Variants in COL24A1 observed in about 807,000 individuals in gnomAD.
COL24A1 encodes the protein collagen type XXIV alpha 1 chain.
Under a neutral mutation model 253.9 loss-of-function variants are expected in COL24A1, and 224 were observed. That is an observed-to-expected ratio of 0.88 (90% CI 0.79 to 0.99). COL24A1 has a LOEUF of 0.99. Among genes scored for constraint, COL24A1 ranks in the 50% least tolerant of loss-of-function variants. COL24A1 has a pLI of 0.00. For missense variants in COL24A1, 2,131 were observed against 2,068.5 expected (o/e 1.03, Z -0.59); for synonymous variants, 685 against 673.7 (o/e 1.02, Z -0.26).
chr1:85,987,780 T>C (rs138310792), intron 19 of COL24A1, 126 bp from the exon 20 acceptor site: 1 of 717,242 alleles, frequency 1.4e-6, no homozygotes, highest in Non-Finnish European at 2.3e-6. Flanking sequence ...AAAAATTCAA[T>C]ATTGAAGATT....
chr1:85,854,505 G>A lies in COL24A1; in HGVS notation c.3301-5099C>T, dbSNP rs75087396. Reference sequence around the variant, plus strand: ...GGCTTTTGCTAATGCTGTGAAAAACGTTCTTGGTAATCTGATAGGACTGGC... The same window carrying A: ...GGCTTTTGCTAATGCTGTGAAAAACATTCTTGGTAATCTGATAGGACTGGC... On this transcript the variant is annotated intron_variant, in intron 37 of 59. Transcript: ENST00000370571. 1.6e-3 allele frequency among the ~76,000 whole-genome samples: 249 copies of A among 152,186 alleles called. 6 individuals are homozygous for A. In the East Asian group the frequency reaches 0.043, roughly 26 times the overall value.
intron 10 of COL24A1, among the ~76,000 whole-genome samples, chr1:86,057,378 A>G (rs578183817): frequency 2.0e-4 from 30 of 152,322 alleles, no homozygotes; most frequent in African/African-American, 5.5e-4. Context: ...ACCCAGCCTC[A>G]GGTATTTATA....
At chr1:85,945,335 A>T (rs149730568) in intron 24 of COL24A1, among the ~76,000 whole-genome samples, 13 of 151,774 alleles carry the variant, frequency 8.6e-5, no homozygotes, top group African/African-American at 3.1e-4. Flanking sequence ...AGATTCTTAA[A>T]TATAATAATA....
At chr1:85,796,945 A>C (rs1263462984) in intron 47 of COL24A1, among the ~76,000 whole-genome samples, 1 of 152,062 alleles carries the variant, frequency 6.6e-6, no homozygotes, top group African/African-American at 2.4e-5. Flanking sequence ...TCACGCCTGT[A>C]ATCCCAGCAC....
chr1:86,016,846 G>A (rs1364720162), intron 19 of COL24A1, among the ~76,000 whole-genome samples: 1 of 152,160 alleles, frequency 6.6e-6, no homozygotes. Context: ...ATAATTCAGT[G>A]GAGTTTCTTT....
chr1:85,793,193 C>T (rs1670478294), intron 47 of COL24A1, among the ~76,000 whole-genome samples: 2 of 151,790 alleles, frequency 1.3e-5, no homozygotes, highest in South Asian at 4.2e-4. Flanking sequence ...GTAGATTTTC[C>T]TCACATTCCA....
intron 52 of COL24A1, among the ~76,000 whole-genome samples, chr1:85,777,005 A>G (rs2101474820): frequency 6.6e-6 from 1 of 151,772 alleles, no homozygotes; most frequent in South Asian, 2.1e-4. Flanking sequence ...GCTGGAGTGC[A>G]GTGGCATGAT....
chr1:85,868,747 T>G (rs373208349), intron 36 of COL24A1, 35 bp downstream of exon 36: 3 of 1,436,310 alleles, frequency 2.1e-6, no homozygotes, highest in Non-Finnish European at 2.8e-6. Context: ...TTACAAAACA[T>G]CTATTTTATA....
intron 7 of COL24A1, among the ~76,000 whole-genome samples, chr1:86,072,707 G>C (rs543927194): frequency 3.3e-5 from 5 of 152,250 alleles, no homozygotes; most frequent in African/African-American, 1.2e-4. Context: ...CTCCCAGCAG[G>C]GGTCGACAGA....
intron 24 of COL24A1, among the ~76,000 whole-genome samples, chr1:85,914,343 T>TGC (rs1491346646): frequency 1.2e-4 from 17 of 144,550 alleles, no homozygotes; most frequent in South Asian, 6.6e-4. Flanking sequence ...TGTGTGTGTG[T>TGC]GCAGCAAATA....
intron 28 of COL24A1, among the ~76,000 whole-genome samples, chr1:85,901,626 C>T (rs1426407873): frequency 6.6e-6 from 1 of 151,834 alleles, no homozygotes; most frequent in Non-Finnish European, 1.5e-5. Context: ...GCCTGGCCAA[C>T]ATGGTGAAAC....
chr1:85,768,014 A>C lies in COL24A1; in HGVS notation c.4375-6448T>G, dbSNP rs150130469. Among the ~76,000 whole-genome samples the C allele has an allele frequency of 1.4e-3, 210 of 152,326 alleles. 1 individual carries two copies. The highest frequency in any genetic ancestry group is 6.8e-3 in the Middle Eastern group (2 of 294). ...ATGAGTGCTATTATGAAGAAAACAA[A>C]ACAAGATACAGTGAAAGAGAATGAC... On this transcript the variant is annotated intron_variant, in intron 53 of 59. Coordinates refer to ENST00000370571, the MANE Select transcript of COL24A1 (RefSeq NM_152890.7).
At chr1:86,088,480 G>T (rs1034323455) in intron 7 of COL24A1, among the ~76,000 whole-genome samples, 2 of 152,002 alleles carry the variant, frequency 1.3e-5, no homozygotes, top group Admixed American at 1.3e-4. Context: ...AAAACAAGCT[G>T]ACCAGGTAGA....
At chr1:86,138,152 T>C (rs1439117895) in intron 2 of COL24A1, among the ~76,000 whole-genome samples, 1 of 152,236 alleles carries the variant, frequency 6.6e-6, no homozygotes, top group Admixed American at 6.5e-5. Context: ...GATTTTAATC[T>C]GTATCCTTAA....
At chr1:85,924,067 T>G (rs941514136) in intron 24 of COL24A1, among the ~76,000 whole-genome samples, 7 of 152,230 alleles carry the variant, frequency 4.6e-5, no homozygotes, top group Non-Finnish European at 8.8e-5. Flanking sequence ...CTAGAAAATC[T>G]AGAAGAAATT....
At chr1:86,144,681 T>C (rs1053968655) in intron 2 of COL24A1, among the ~76,000 whole-genome samples, 14 of 152,168 alleles carry the variant, frequency 9.2e-5, no homozygotes, top group African/African-American at 3.1e-4. Context: ...TTAAGGAATT[T>C]GTAGACTTTG....
chr1:86,045,409 G>A (rs768689929), intron 12 of COL24A1, among the ~76,000 whole-genome samples: 3 of 152,074 alleles, frequency 2.0e-5, no homozygotes, highest in Non-Finnish European at 2.9e-5. Flanking sequence ...GATAGGAGAA[G>A]GGTGAAAATT....
At chr1:85,858,767 G>A (rs111590736) in intron 37 of COL24A1, among the ~76,000 whole-genome samples, 91 of 148,264 alleles carry the variant, frequency 6.1e-4, no homozygotes, top group Admixed American at 5.5e-4. Context: ...TTTTCGGACG[G>A]TCTTGCTTTG....
rs541045213 is a variant in COL24A1 at position 86,116,455 on chromosome 1, C to T, written c.1492-1077G>A. On this transcript the variant is annotated intron_variant, in intron 3 of 59. Transcript: ENST00000370571. The stretch of plus-strand genomic sequence containing the variant: ...ATCATATGTACTTTCCAATATGTGA[C>T]AGTTTTTTAACCTACAATTTCATAA... Among the ~76,000 whole-genome samples, 3 of 152,172 alleles carry T rather than the reference C, an allele frequency of 2.0e-5. No homozygotes were observed. In the South Asian group the frequency reaches 6.2e-4, roughly 32 times the overall value.
Sources: allele counts gnomAD v4.1 joint callset (sites outside exome capture counted in the v4.1 genomes callset), GRCh38; gene constraint gnomAD v4.1.1; transcripts MANE v1.5; gene names NCBI Gene and HGNC (gene_info 2026-07-23, HGNC 2026-07-21).